The following FRYL variants were observed in gnomAD, a reference collection of about 807,000 sequenced individuals.
The protein encoded by FRYL is protein furry homolog-like.
A neutral mutation model predicts 351.2 loss-of-function variants in FRYL; 150 were observed. The observed-to-expected ratio is 0.43, with a 90% CI of 0.37 to 0.49. The LOEUF (loss-of-function observed/expected upper bound fraction) is 0.49. Ranked by LOEUF, FRYL falls within the 20% of genes least tolerant of loss-of-function variation. FRYL has a pLI of 0.00. For synonymous variants in FRYL, 1,153 were observed against 1,257.1 expected (o/e 0.92, Z 1.75); for missense variants, 3,036 against 3,619.3 (o/e 0.84, Z 4.13).
chr4:48,701,928 C>T (rs1414638894), intron 2 of FRYL, among the ~76,000 whole-genome samples: 2 of 152,134 alleles, frequency 1.3e-5, no homozygotes, highest in African/African-American at 4.8e-5. Context: ...ACCCAATATA[C>T]AGAATATAAG....
chr4:48,623,389 T>C (rs563144466), intron 4 of FRYL, among the ~76,000 whole-genome samples: 24 of 152,308 alleles, frequency 1.6e-4, no homozygotes, highest in Admixed American at 6.5e-4. Context: ...AGGCTCTCAC[T>C]GTGATACTCT....
At chr4:48,608,499 C>A (rs1282138760) in intron 9 of FRYL, among the ~76,000 whole-genome samples, 1 of 152,112 alleles carries the variant, frequency 6.6e-6, no homozygotes, top group Admixed American at 6.5e-5. Flanking sequence ...ATGTGTATAA[C>A]TCTTAATGAA....
chr4:48,580,846 A>T lies in FRYL; in HGVS notation c.2259+19T>A, dbSNP rs1204200335. 1 of 1,528,770 alleles carries T rather than the reference A, an allele frequency of 6.5e-7. No individual in the cohort carries two copies. The highest frequency in any genetic ancestry group is 9.1e-7 in the Non-Finnish European group (1 of 1,104,378). 94.7% of individuals were successfully genotyped at this position (1,528,770 alleles called of 1,614,324 possible). ...AAGTCTCAAAACAAGATTGGGTAGAATGAAGTCACTATAGTTACCTGATCA... is the reference window on the plus strand; with the variant it reads ...AAGTCTCAAAACAAGATTGGGTAGATTGAAGTCACTATAGTTACCTGATCA... On this transcript the variant is annotated intron_variant, in intron 22 of 63. Coordinates refer to ENST00000358350, the MANE Select transcript of FRYL (RefSeq NM_015030.2).
At chr4:48,624,004 A>C (rs1751253351) in intron 4 of FRYL, among the ~76,000 whole-genome samples, 1 of 152,192 alleles carries the variant, frequency 6.6e-6, no homozygotes, top group African/African-American at 2.4e-5. Context: ...CTGAGGATGG[A>C]AAGTTGTTAC....
intron 28 of FRYL, among the ~76,000 whole-genome samples, chr4:48,565,916 A>G (rs1736678018): frequency 1.3e-5 from 2 of 152,204 alleles, no homozygotes; most frequent in Admixed American, 1.3e-4. Flanking sequence ...GACATAGAGC[A>G]TCTCTGCAAG....
chr4:48,701,650 A>T (rs1766729802), intron 2 of FRYL, among the ~76,000 whole-genome samples: 1 of 152,250 alleles, frequency 6.6e-6, no homozygotes, highest in Non-Finnish European at 1.5e-5. Flanking sequence ...CAAGTATGAG[A>T]ATCAAGTAAA....
At position 48,556,999 on chromosome 4, in the gene FRYL, G is replaced by A. The variant is rs780247872; in HGVS notation, c.4245C>T (p.Ser1415=). 6.3e-6 allele frequency: 10 copies of A among 1,598,334 alleles called. No homozygotes were observed. Among genetic ancestry groups the A allele is most frequent in the Non-Finnish European group, 6.0e-6 (7 of 1,170,804 alleles). ...HFLISICGVN[S]EPSLLPYVKK... ...ATACGTAAGGCAAGAGGCTTGGTTC[G>A]CTATTCACCCCACAAATGCTGATCA... Residue 1415 remains serine, a synonymous_variant, in exon 35 of 64, where the codon AGC becomes AGT. Transcript: ENST00000358350.
chr4:48,715,026 T>C (rs908859198), intron 1 of FRYL, among the ~76,000 whole-genome samples: 1 of 152,158 alleles, frequency 6.6e-6, no homozygotes, highest in East Asian at 1.9e-4. Flanking sequence ...AAAAACCACA[T>C]GATTATCTCA....
rs941954211 is a variant in FRYL, at chr4:48,629,998, G to A, written c.120+4293C>T. On this transcript the variant is annotated intron_variant, in intron 4 of 63. Coordinates refer to ENST00000358350, the MANE Select transcript of FRYL (RefSeq NM_015030.2). ...ACAATGGTTGAAGAGGTACCATACT[G>A]AAGATAGGGAGGTTAAGCAAGAATA... Among the ~76,000 whole-genome samples the A allele has an allele frequency of 5.3e-4, 81 of 152,136 alleles. 2 individuals carry two copies. Among genetic ancestry groups the A allele is most frequent in the African/African-American group, 2.0e-3 (81 of 41,432 alleles).
intron 1 of FRYL, among the ~76,000 whole-genome samples, chr4:48,719,788 T>C (rs569396858): frequency 1.3e-5 from 2 of 151,680 alleles, no homozygotes; most frequent in Admixed American, 6.6e-5. Context: ...AGGAACAACT[T>C]GATTCACTGA....
chr4:48,603,883 G>A (rs1053688502), intron 11 of FRYL, among the ~76,000 whole-genome samples: 2 of 152,164 alleles, frequency 1.3e-5, no homozygotes, highest in Admixed American at 1.3e-4. Context: ...TGCTGCCCAA[G>A]AAGCTCTTCC....
At chr4:48,608,877 A>C (rs1046786182) in intron 9 of FRYL, 110 bp downstream of exon 9, 1 of 727,430 alleles carries the variant, frequency 1.4e-6, no homozygotes, top group African/African-American at 1.8e-5. Flanking sequence ...GAGCTGACTT[A>C]GTGCTATGGA....
intron 3 of FRYL, chr4:48,681,025 C>T (rs1197642168): frequency 5.5e-6 from 7 of 1,284,308 alleles, no homozygotes; most frequent in East Asian, 5.6e-5. Flanking sequence ...TGAGCTAAGA[C>T]GTTTCATCTT....
At chr4:48,512,988 T>C (rs1277000214) in intron 56 of FRYL, among the ~76,000 whole-genome samples, 1 of 152,164 alleles carries the variant, frequency 6.6e-6, no homozygotes, top group African/African-American at 2.4e-5. Context: ...ATAATACCGA[T>C]TAGAATGCTT....
chr4:48,598,410 C>T (rs1328086651), intron 13 of FRYL, among the ~76,000 whole-genome samples: 20 of 152,108 alleles, frequency 1.3e-4, no homozygotes, highest in Admixed American at 5.2e-4. Flanking sequence ...TCATGTATCC[C>T]ATAAATATAT....
intron 4 of FRYL, among the ~76,000 whole-genome samples, chr4:48,632,100 A>ATATATATATATATGTG (rs1390178992): frequency 4.4e-4 from 13 of 29,310 alleles, no homozygotes; most frequent in Non-Finnish European, 8.9e-4. Flanking sequence ...AAATATATAT[A>ATATATATATATATGTG]TATATATATA....
chr4:48,556,703 T>C (rs1404368568), intron 35 of FRYL, among the ~76,000 whole-genome samples: 3 of 152,144 alleles, frequency 2.0e-5, no homozygotes, highest in Non-Finnish European at 4.4e-5. Context: ...GCTTACTGAT[T>C]TATTCATTAA....
At chr4:48,759,914 G>C (rs1242585120) in intron 1 of FRYL, among the ~76,000 whole-genome samples, 2 of 152,146 alleles carry the variant, frequency 1.3e-5, no homozygotes, top group East Asian at 3.8e-4. Flanking sequence ...AACATGCACA[G>C]GTTCTAGGGA....
intron 1 of FRYL, among the ~76,000 whole-genome samples, chr4:48,763,761 C>T (rs1229328208): frequency 1.3e-5 from 2 of 152,232 alleles, no homozygotes; most frequent in East Asian, 3.9e-4. Context: ...TACTTCCACT[C>T]GACATGTACT....
Sources: allele counts gnomAD v4.1 joint callset (sites outside exome capture counted in the v4.1 genomes callset), GRCh38; gene constraint gnomAD v4.1.1; transcripts MANE v1.5; gene names NCBI Gene and HGNC (gene_info 2026-07-23, HGNC 2026-07-21).